The following PLPPR1 variants were observed in gnomAD, a reference collection of about 807,000 sequenced individuals.
PLPPR1 encodes phospholipid phosphatase-related protein type 1.
PLPPR1 carries 10 observed loss-of-function variants against 33.1 expected under a neutral mutation model. The ratio of observed to expected loss-of-function variants is 0.30; its 90% CI spans 0.19 to 0.51. PLPPR1 has a LOEUF of 0.51. Among genes scored for constraint, PLPPR1 ranks in the 20% least tolerant of loss-of-function variants. The probability of loss-of-function intolerance (pLI) is 0.97; values close to 1 mark genes in which losing one functional copy is unlikely to be tolerated. For synonymous variants in PLPPR1, 151 were observed against 151.0 expected (o/e 1.00, Z 0.00); for missense variants, 304 against 408.1 (o/e 0.74, Z 2.20).
rs778618938 is a variant in PLPPR1, at chr9:101,270,037, A to G, written c.221A>G (p.Tyr74Cys). Residue 74 changes from tyrosine to cysteine, a missense_variant, in exon 3 of 8, where the codon TAT (tyrosine) becomes TGT (cysteine). Tyr to Cys is a radical substitution (Grantham distance 194). Transcript: ENST00000374874. ...EESFITPLVL[Y>C]CVLAATPTAI... ...AGCTTCATCACCCCTCTGGTGCTCT[A>G]TTGTGTGCTGGCTGCCACCCCAACT... 3 of 1,614,192 alleles carry G rather than the reference A, an allele frequency of 1.9e-6. No homozygotes were observed. Among genetic ancestry groups the G allele is most frequent in the East Asian group, 4.5e-5 (2 of 44,890 alleles).
At chr9:101,251,527 A>G (rs1313726501) in intron 2 of PLPPR1, among the ~76,000 whole-genome samples, 1 of 152,100 alleles carries the variant, frequency 6.6e-6, no homozygotes. Flanking sequence ...CTCTTCAATG[A>G]CAGATTTGAC....
chr9:101,263,713 C>T (rs1229133886), intron 2 of PLPPR1, among the ~76,000 whole-genome samples: 2 of 152,198 alleles, frequency 1.3e-5, no homozygotes, highest in African/African-American at 2.4e-5. Context: ...AGGTTTACTC[C>T]TGTGAGCTCT....
chr9:101,121,117 A>G (rs1423731557), intron 1 of PLPPR1, among the ~76,000 whole-genome samples: 1 of 152,198 alleles, frequency 6.6e-6, no homozygotes, highest in Non-Finnish European at 1.5e-5. Context: ...ACACATAATA[A>G]TTACAGGCTT....
chr9:101,316,271 C>T (rs1348563706), intron 6 of PLPPR1, among the ~76,000 whole-genome samples: 1 of 151,930 alleles, frequency 6.6e-6, no homozygotes, highest in Non-Finnish European at 1.5e-5. Context: ...CCCGTCTCTA[C>T]TAAAAAATAC....
At chr9:101,231,365 T>G (rs1445550856) in intron 2 of PLPPR1, among the ~76,000 whole-genome samples, 1 of 149,878 alleles carries the variant, frequency 6.7e-6, no homozygotes, top group Non-Finnish European at 1.5e-5. Context: ...ATCGTTTGTT[T>G]TTTTTTTTTT....
intron 2 of PLPPR1, among the ~76,000 whole-genome samples, chr9:101,249,611 A>G (rs918199714): frequency 2.0e-5 from 3 of 152,148 alleles, no homozygotes; most frequent in Admixed American, 6.5e-5. Flanking sequence ...AACACAGGAA[A>G]TGGCAGCCCG....
At chr9:101,236,860 G>A (rs1564010777) in intron 2 of PLPPR1, among the ~76,000 whole-genome samples, 1 of 151,448 alleles carries the variant, frequency 6.6e-6, no homozygotes, top group African/African-American at 2.4e-5. Context: ...TAAACTACAA[G>A]CCTTCTGCAT....
intron 1 of PLPPR1, among the ~76,000 whole-genome samples, chr9:101,141,362 G>A (rs1271351582): frequency 6.6e-6 from 1 of 152,172 alleles, no homozygotes; most frequent in African/African-American, 2.4e-5. Context: ...AGTCACTGGG[G>A]TAAGCATTTG....
Position 101,215,557 on chromosome 9 carries a change from C to T in PLPPR1, c.63+30000C>T, listed in dbSNP as rs536349663. ...GTGCAGGGATTACAGGTGTGAGCCA[C>T]CGCGCCCAGCTGGCCTCATTCATTC... On this transcript the variant is annotated intron_variant, in intron 2 of 7. Transcript: ENST00000374874. Among the ~76,000 whole-genome samples the T allele has an allele frequency of 2.6e-5, 4 of 152,310 alleles. No homozygotes were observed. The South Asian group carries it at 8.3e-4, about 32-fold the overall frequency.
At chr9:101,286,877 G>A (rs1224037058) in intron 4 of PLPPR1, among the ~76,000 whole-genome samples, 1 of 152,102 alleles carries the variant, frequency 6.6e-6, no homozygotes, top group African/African-American at 2.4e-5. Context: ...TACACATTAA[G>A]TACTCTATAA....
At chr9:101,181,033 G>T (rs77249583) in intron 1 of PLPPR1, among the ~76,000 whole-genome samples, 8,754 of 150,600 alleles carry the variant, frequency 0.058, 871 homozygotes, top group African/African-American at 0.2. Flanking sequence ...CAACTCAATA[G>T]CAATAAAACA....
In PLPPR1 at chr9:101,034,721, T is replaced by C. The variant is rs1206341497; in HGVS notation, c.-46+5619T>C. Among the ~76,000 whole-genome samples the C allele has an allele frequency of 3.3e-5, 5 of 152,092 alleles. No homozygotes were observed. The East Asian group carries it at 5.8e-4, about 18-fold the overall frequency. On this transcript the variant is annotated intron_variant, in intron 1 of 7. Coordinates refer to ENST00000374874, the MANE Select transcript of PLPPR1 (RefSeq NM_207299.2). ...GTAAGTACCTAATAAATGGAGAGTA[T>C]TAAGTGTGATAGCAGTGAGGTTAAA...
intron 3 of PLPPR1, among the ~76,000 whole-genome samples, chr9:101,280,299 G>T (rs1828274945): frequency 6.6e-6 from 1 of 151,982 alleles, no homozygotes; most frequent in Non-Finnish European, 1.5e-5. Flanking sequence ...ATAGTAAAAA[G>T]CTTCTCAGCA....
chr9:101,205,374 T>A (rs1028804936), intron 2 of PLPPR1, among the ~76,000 whole-genome samples: 1 of 152,230 alleles, frequency 6.6e-6, no homozygotes, highest in Non-Finnish European at 1.5e-5. Context: ...GAGAAGCTCA[T>A]ATGATGTTTT....
At chr9:101,270,468 A>G (rs1828075473) in intron 3 of PLPPR1, among the ~76,000 whole-genome samples, 1 of 152,208 alleles carries the variant, frequency 6.6e-6, no homozygotes, top group South Asian at 2.1e-4. Context: ...AGAGTAGAAT[A>G]GAATCCCTCA....
intron 1 of PLPPR1, among the ~76,000 whole-genome samples, chr9:101,178,644 A>G (rs1826053789): frequency 2.0e-5 from 3 of 152,198 alleles, no homozygotes; most frequent in African/African-American, 7.2e-5. Flanking sequence ...ATCCTGAAGC[A>G]GCTAGAATGA....
chr9:101,270,228 A>C (rs906090389), intron 3 of PLPPR1, among the ~76,000 whole-genome samples, 160 bp downstream of exon 3: 1 of 151,766 alleles, frequency 6.6e-6, no homozygotes, highest in South Asian at 2.1e-4. Context: ...CTGCAGAAAA[A>C]CTCATTAACA....
chr9:101,054,092 G>A (rs1830254233), intron 1 of PLPPR1, among the ~76,000 whole-genome samples: 1 of 152,246 alleles, frequency 6.6e-6, no homozygotes, highest in Middle Eastern at 3.4e-3. Flanking sequence ...GCTGAGTCAG[G>A]AGAATCATTT....
intron 2 of PLPPR1, among the ~76,000 whole-genome samples, chr9:101,204,547 T>G (rs921566232): frequency 6.6e-6 from 1 of 152,138 alleles, no homozygotes; most frequent in Non-Finnish European, 1.5e-5. Flanking sequence ...AGCTGCTGTT[T>G]CCGTATATTG....
Sources: allele counts gnomAD v4.1 joint callset (sites outside exome capture counted in the v4.1 genomes callset), GRCh38; gene constraint gnomAD v4.1.1; transcripts MANE v1.5; gene names NCBI Gene and HGNC (gene_info 2026-07-23, HGNC 2026-07-21).